The following ZNF705G variants were observed in gnomAD, a reference collection of about 807,000 sequenced individuals.
ZNF705G encodes zinc finger protein 705G.
A neutral mutation model predicts 19.6 loss-of-function variants in ZNF705G; 23 were observed. The observed-to-expected ratio is 1.17, with a 90% CI of 0.84 to 1.66. The LOEUF (loss-of-function observed/expected upper bound fraction) is 1.66, where lower values mean the gene tolerates loss of function less well. Ranked by LOEUF, ZNF705G falls within the 40% of genes most tolerant of loss-of-function variation. The pLI is 0.00. For missense variants in ZNF705G, 457 were observed against 354.4 expected (o/e 1.29, Z -2.32); for synonymous variants, 146 against 117.7 (o/e 1.24, Z -1.56).
chr8:7,383,015 A>C (rs1807567942), intron 1 of ZNF705G, among the ~76,000 whole-genome samples: 1 of 148,442 alleles, frequency 6.7e-6, no homozygotes, highest in Non-Finnish European at 1.5e-5. Flanking sequence ...TCCCACTTAT[A>C]AATGAGAGCA....
intron 2 of ZNF705G, among the ~76,000 whole-genome samples, chr8:7,369,710 C>T (rs1385052703): frequency 6.7e-6 from 1 of 149,680 alleles, no homozygotes; most frequent in Non-Finnish European, 1.5e-5. Context: ...TGGAATACTA[C>T]ACAACCATAA....
At chr8:7,365,097 AAGTTAAAGC>A (rs1390712089) in intron 2 of ZNF705G, among the ~76,000 whole-genome samples, 8 of 149,740 alleles carry the variant, frequency 5.3e-5, no homozygotes, top group Non-Finnish European at 1.2e-4. Context: ...TATTATAAGA[AAGTTAAAGC>A]ATACTTATTT....
rs761613057 is a variant in ZNF705G, at chr8:7,358,334, G to A, written c.545C>T (p.Thr182Ile). The change falls in exon 7 of 7, where the codon ACT becomes ATT. Residue 182 changes from threonine (T) to isoleucine (I), a missense_variant. Thr to Ile is a moderately conservative substitution (Grantham distance 89). Transcript: ENST00000400156. ...GTGCCGTCTAAGGTGAAAGCAATTA[G>A]TATAGGCCTTTTCACATAGATTACA... The part of the protein sequence containing the change: ...YQCNLCEKAY[T>I]NCFHLRRHKM... 3.1e-6 allele frequency: 5 copies of A among 1,607,638 alleles called. No individual in the cohort carries two copies. The highest frequency in any genetic ancestry group is 4.2e-6 in the Non-Finnish European group (5 of 1,179,628).
rs1470099429 is a variant in ZNF705G at position 7,357,939 on chromosome 8, A to G, written c.*37T>C. 5 of 1,606,558 alleles carry G rather than the reference A, an allele frequency of 3.1e-6. No individual in the cohort carries two copies. The highest frequency in any genetic ancestry group is 1.8e-4 in the Middle Eastern group (1 of 5,606). On this transcript the variant is annotated 3_prime_UTR_variant, in exon 7 of 7. Coordinates refer to ENST00000400156, the MANE Select transcript of ZNF705G (RefSeq NM_001164457.3). Reference sequence around the variant, plus strand: ...CTGAAGGCTTTCCCACATAAATGGCATTCATATGGCTTTTCTCCAGTGCGT... The same window carrying G: ...CTGAAGGCTTTCCCACATAAATGGCGTTCATATGGCTTTTCTCCAGTGCGT...
In ZNF705G at chr8:7,357,905, G is replaced by C; in HGVS notation, c.*71C>G. 1 of 1,595,946 alleles carries C rather than the reference G, an allele frequency of 6.3e-7. No individual in the cohort carries two copies. The highest frequency in any genetic ancestry group is 8.5e-7 in the Non-Finnish European group (1 of 1,175,164). The stretch of plus-strand genomic sequence containing the variant: ...AATTTTCTGATGCTCTTTAAGATTA[G>C]TACATTGTCTGAAGGCTTTCCCACA... On this transcript the variant is annotated 3_prime_UTR_variant, in exon 7 of 7. Transcript: ENST00000400156.
Position 7,360,580 on chromosome 8 carries a change from G to A in ZNF705G, c.140-248C>T, listed in dbSNP as rs1387988732. Among the ~76,000 whole-genome samples the A allele has an allele frequency of 3.3e-4, 49 of 149,508 alleles. 5 individuals are homozygous for A. Among genetic ancestry groups the A allele is most frequent in the African/African-American group, 1.2e-3 (45 of 38,982 alleles). On this transcript the variant is annotated intron_variant, in intron 4 of 6. Coordinates refer to ENST00000400156, the MANE Select transcript of ZNF705G (RefSeq NM_001164457.3). ...CAGGACCTATGAATGCTGAGTCCAT[G>A]CCTAAGTTCCAAGACGCAATGCATA...
intron 2 of ZNF705G, among the ~76,000 whole-genome samples, chr8:7,378,799 C>G (rs1807354911): frequency 6.8e-6 from 1 of 146,300 alleles, no homozygotes; most frequent in South Asian, 2.1e-4. Context: ...CCTGGATAAT[C>G]TAAGATAATC....
intron 1 of ZNF705G, among the ~76,000 whole-genome samples, chr8:7,382,415 C>A (rs796394495): frequency 2.8e-5 from 4 of 145,164 alleles, no homozygotes; most frequent in Admixed American, 6.6e-5. Flanking sequence ...TGCCTTTTTT[C>A]CCCAGAATAA....
intron 1 of ZNF705G, among the ~76,000 whole-genome samples, chr8:7,383,221 A>G (rs569386142): frequency 6.7e-6 from 1 of 148,896 alleles, no homozygotes; most frequent in Non-Finnish European, 1.5e-5. Context: ...CAACTAGGTG[A>G]CACATTAGGG....
intron 2 of ZNF705G, among the ~76,000 whole-genome samples, chr8:7,368,505 AT>A (rs1806960918): frequency 6.7e-6 from 1 of 149,694 alleles, no homozygotes; most frequent in East Asian, 1.9e-4. Context: ...ATGTAAAAAA[AT>A]AAAATACATT....
At chr8:7,368,713 G>A (rs932653929) in intron 2 of ZNF705G, among the ~76,000 whole-genome samples, 2 of 149,816 alleles carry the variant, frequency 1.3e-5, no homozygotes, top group East Asian at 1.9e-4. Context: ...CAAAGGCCTG[G>A]AGGCCTAGGA....
intron 2 of ZNF705G, among the ~76,000 whole-genome samples, chr8:7,369,649 G>T (rs2128841944): frequency 6.7e-6 from 1 of 149,822 alleles, no homozygotes; most frequent in Non-Finnish European, 1.5e-5. Context: ...AATCAACCTA[G>T]ATGCCCATCA....
intron 2 of ZNF705G, among the ~76,000 whole-genome samples, chr8:7,368,856 G>A (rs1393554201): frequency 2.0e-5 from 3 of 149,592 alleles, no homozygotes; most frequent in Non-Finnish European, 2.9e-5. Flanking sequence ...CGCTTTAGAG[G>A]GTGCAAGCCA....
intron 2 of ZNF705G, among the ~76,000 whole-genome samples, chr8:7,369,987 C>A (rs1444251465): frequency 6.7e-6 from 1 of 149,126 alleles, no homozygotes; most frequent in Admixed American, 6.6e-5. Context: ...CAGCATCACA[C>A]AATGTGCCAG....
chr8:7,359,987 G>C (rs1262006565), intron 5 of ZNF705G, among the ~76,000 whole-genome samples: 1 of 149,222 alleles, frequency 6.7e-6, no homozygotes, highest in Admixed American at 6.6e-5. Flanking sequence ...GCATATGAAA[G>C]TTTAACCCCA....
In ZNF705G at chr8:7,357,859, T is replaced by C. The variant is rs1448364903; in HGVS notation, c.*117A>G. 12 of 1,488,982 alleles carry C rather than the reference T, an allele frequency of 8.1e-6. No individual in the cohort carries two copies. In the African/African-American group the frequency reaches 1.4e-4, roughly 18 times the overall value. 92.2% of individuals were successfully genotyped at this position (1,488,982 alleles called of 1,614,324 possible). A position where few individuals can be genotyped will look rare whatever the true frequency, so the allele number is the denominator to read the frequency against. On this transcript the variant is annotated 3_prime_UTR_variant, in exon 7 of 7. Transcript: ENST00000400156. ...AGTCAGAATATGTTCTGAAGAAGTT[T>C]ATAATTTTCTCTCCAGGGTGAATTT...
At chr8:7,363,947 C>A (rs1359823585) in intron 2 of ZNF705G, among the ~76,000 whole-genome samples, 2 of 149,428 alleles carry the variant, frequency 1.3e-5, no homozygotes, top group African/African-American at 2.6e-5. Context: ...GCAGGAGTAC[C>A]CCGAGTCATG....
chr8:7,363,105 G>T (rs1806683570), intron 2 of ZNF705G, 88 bp from the exon 3 acceptor site: 4 of 1,519,796 alleles, frequency 2.6e-6, no homozygotes, highest in Admixed American at 1.7e-5. Context: ...TTTCACTGAA[G>T]TGTGACACCA....
chr8:7,383,354 T>C (rs1384832393), intron 1 of ZNF705G, among the ~76,000 whole-genome samples: 1 of 146,706 alleles, frequency 6.8e-6, no homozygotes, highest in Admixed American at 6.6e-5. Flanking sequence ...ACATCTGTGT[T>C]GCTTTATATT....
Sources: gnomAD v4.1 joint callset for allele counts (sites outside exome capture counted in the v4.1 genomes callset) on GRCh38, gnomAD v4.1.1 for gene constraint, MANE v1.5 for transcripts, NCBI Gene and HGNC (gene_info 2026-07-23, HGNC 2026-07-21) for gene names.